UROS: variants seen among roughly 807,000 people sequenced by gnomAD.
The protein encoded by UROS is uroporphyrinogen-III synthase.
UROS carries 18 observed loss-of-function variants against 33.0 expected under a neutral mutation model. That is an observed-to-expected ratio of 0.55 (90% CI 0.38 to 0.81). UROS has a LOEUF of 0.81. UROS is among the 30% of genes least tolerant of loss of function. The pLI, the probability that UROS is intolerant of heterozygous loss-of-function variation, is 0.00. For synonymous variants in UROS, 114 were observed against 121.1 expected (o/e 0.94, Z 0.38); for missense variants, 293 against 314.9 (o/e 0.93, Z 0.53).
At chr10:125,822,759 C>T (rs796639496) in intron 1 of UROS, among the ~76,000 whole-genome samples, 2 of 152,186 alleles carry the variant, frequency 1.3e-5, no homozygotes, top group African/African-American at 4.8e-5. Context: ...GGCCCGGCCC[C>T]CCGCCGAAGC....
In UROS at chr10:125,788,719, T is replaced by C. The variant is rs1258212138; in HGVS notation, c.*149A>G. On this transcript the variant is annotated 3_prime_UTR_variant, in exon 10 of 10. Coordinates refer to ENST00000368797, the MANE Select transcript of UROS (RefSeq NM_000375.3). Reference sequence around the variant, plus strand: ...GGCCTGAGGCCAGCCCCAGGTCAGGTCCCGATCCCCGGTCCTCAGGTGCTT... The same window carrying C: ...GGCCTGAGGCCAGCCCCAGGTCAGGCCCCGATCCCCGGTCCTCAGGTGCTT... The C allele has an allele frequency of 6.9e-7, 1 of 1,439,236 alleles. No individual in the cohort carries two copies. The highest frequency in any genetic ancestry group is 2.8e-5 in the Admixed American group (1 of 36,296). The allele number at this position is 1,439,236 out of a possible 1,614,324, so 89.2% of individuals were successfully genotyped here.
chr10:125,820,163 T>C (rs1423506826), intron 1 of UROS, among the ~76,000 whole-genome samples: 2 of 152,170 alleles, frequency 1.3e-5, no homozygotes, highest in Non-Finnish European at 2.9e-5. Flanking sequence ...CAATGGCATA[T>C]ATTTACATCT....
intron 5 of UROS, 34 bp from the exon 6 acceptor site, chr10:125,807,521 C>A: frequency 1.3e-6 from 2 of 1,553,606 alleles, no homozygotes; most frequent in Admixed American, 3.3e-5. Context: ...TTTCTTAACA[C>A]GGTTATTGAA....
chr10:125,795,902 T>C (rs1238280983), intron 8 of UROS, among the ~76,000 whole-genome samples: 1 of 152,186 alleles, frequency 6.6e-6, no homozygotes, highest in Non-Finnish European at 1.5e-5. Flanking sequence ...GCAATAGACA[T>C]TTCATGAAAC....
intron 6 of UROS, among the ~76,000 whole-genome samples, chr10:125,805,580 A>G (rs1375733088): frequency 6.6e-6 from 1 of 152,232 alleles, no homozygotes; most frequent in African/African-American, 2.4e-5. Context: ...CACTGGCCAC[A>G]GTGACAAGTG....
At position 125,788,984 on chromosome 10, in the gene UROS, T is replaced by C; in HGVS notation, c.682A>G (p.Thr228Ala). The change falls in exon 10 of 10, where the codon ACG (threonine) becomes GCG (alanine). Residue 228 changes from threonine (T) to alanine (A), a missense_variant. By Grantham distance (58) the Thr-to-Ala change is moderately conservative (BLOSUM62 0). Transcript: ENST00000368797. ...QIKFAAIGPT[T>A]ARALAAQGLP... ...CCCTGGGCGGCCAGCGCGCGAGCCG[T>C]AGTGGGGCCGATGGCTGCAAACTAT... 2 of 1,612,826 alleles carry C rather than the reference T, an allele frequency of 1.2e-6. No individual in the cohort carries two copies. Among genetic ancestry groups the C allele is most frequent in the Non-Finnish European group, 1.7e-6 (2 of 1,179,958 alleles).
intron 4 of UROS, 106 bp from the exon 5 acceptor site, chr10:125,812,394 AT>A: frequency 1.1e-6 from 1 of 950,692 alleles, no homozygotes; most frequent in Admixed American, 2.0e-5. Flanking sequence ...AAAGCAAACT[AT>A]TAGCAACCAA....
At chr10:125,801,675 T>C (rs1008812461) in intron 6 of UROS, among the ~76,000 whole-genome samples, 2 of 152,246 alleles carry the variant, frequency 1.3e-5, no homozygotes, top group Non-Finnish European at 2.9e-5. Flanking sequence ...CCCATAGATA[T>C]GCTGGTAATA....
chr10:125,786,567 T>C (rs769639764), downstream of UROS, among the ~76,000 whole-genome samples: 1 of 152,156 alleles, frequency 6.6e-6, no homozygotes, highest in African/African-American at 2.4e-5. Flanking sequence ...CCTGGCCACA[T>C]GAACCTCTTC....
In UROS at chr10:125,788,922, T is replaced by A; in HGVS notation, c.744A>T (p.Pro248=). The change falls in exon 10 of 10, where the codon CCA becomes CCT. Residue 248 remains proline, a synonymous_variant. Transcript: ENST00000368797. ...TCCTGATGCCAGTGGCCAGGGCTTGTGGCGTGGGGCTCTCTGCAGTGCAGC... is the reference window on the plus strand; with the variant it reads ...TCCTGATGCCAGTGGCCAGGGCTTGAGGCGTGGGGCTCTCTGCAGTGCAGC... The part of the protein sequence containing the change: ...PVSCTAESPT[P]QALATGIRKA... The A allele has an allele frequency of 6.2e-7, 1 of 1,608,562 alleles. No individual in the cohort carries two copies. The highest frequency in any genetic ancestry group is 1.7e-5 in the Admixed American group (1 of 59,190).
intron 1 of UROS, among the ~76,000 whole-genome samples, chr10:125,820,059 T>C (rs1853735858): frequency 6.6e-6 from 1 of 152,202 alleles, no homozygotes; most frequent in South Asian, 2.1e-4. Context: ...TGTCATGGTG[T>C]TCTGGGTATC....
intron 1 of UROS, among the ~76,000 whole-genome samples, chr10:125,821,642 T>C (rs1481811343): frequency 2.0e-5 from 3 of 152,182 alleles, no homozygotes; most frequent in African/African-American, 4.8e-5. Context: ...TTTACCACCA[T>C]AAAAAAAGTA....
At chr10:125,802,554 C>G (rs145786144) in intron 6 of UROS, 1 of 1,007,834 alleles carries the variant, frequency 9.9e-7, no homozygotes, top group East Asian at 1.0e-4. Flanking sequence ...AGGCCTCTTC[C>G]GAGAACACCA....
At chr10:125,801,769 A>G (rs969107888) in intron 6 of UROS, among the ~76,000 whole-genome samples, 1 of 152,244 alleles carries the variant, frequency 6.6e-6, no homozygotes, top group African/African-American at 2.4e-5. Context: ...TATCTATCCA[A>G]CCAAGCCTTG....
Position 125,811,805 on chromosome 10 carries a change from C to CAA in UROS, c.319+407_319+408dup, listed in dbSNP as rs141063476. On this transcript the variant is annotated intron_variant, in intron 5 of 9. Coordinates refer to ENST00000368797, the MANE Select transcript of UROS (RefSeq NM_000375.3). Reference sequence around the variant, plus strand: ...AAAATGCACAAAATATTAAGAAAACCAAAAAAAAACAACTATGATATCACT... The same window carrying CAA: ...AAAATGCACAAAATATTAAGAAAACCAAAAAAAAAAACAACTATGATATCACT... Among the ~76,000 whole-genome samples the CAA allele has an allele frequency of 6.2e-3, 920 of 149,092 alleles. 8 individuals are homozygous for CAA. The highest frequency in any genetic ancestry group is 0.016 in the African/African-American group (665 of 40,746).
At position 125,808,671 on chromosome 10, in the gene UROS, G is replaced by A. The variant is rs139998738; in HGVS notation, c.320-1184C>T. On this transcript the variant is annotated intron_variant, in intron 5 of 9. Transcript: ENST00000368797. ...CATATATAGCTTTGCTGATCACAAA[G>A]TAAGCACTTGCTCATTTGATCCTCA... is the stretch of plus-strand genomic sequence containing the variant. 7.2e-5 allele frequency among the ~76,000 whole-genome samples: 11 copies of A among 152,318 alleles called. No individual in the cohort carries two copies. The East Asian group carries it at 1.2e-3, about 16-fold the overall frequency.
chr10:125,796,303 G>T (rs1055273427), intron 7 of UROS, 115 bp from the exon 8 acceptor site: 1 of 1,043,382 alleles, frequency 9.6e-7, no homozygotes, highest in Non-Finnish European at 1.5e-6. Flanking sequence ...CTCCTGGAAC[G>T]AGCTGCTTGG....
intron 6 of UROS, among the ~76,000 whole-genome samples, chr10:125,804,087 C>G (rs1193648353): frequency 6.6e-6 from 1 of 152,222 alleles, no homozygotes; most frequent in Non-Finnish European, 1.5e-5. Flanking sequence ...ATGATAAACC[C>G]CTTTTAACCA....
chr10:125,802,030 T>C (rs1022066172), intron 6 of UROS: 69 of 985,350 alleles, frequency 7.0e-5, no homozygotes, highest in African/African-American at 1.0e-4. Flanking sequence ...TTACTATTCT[T>C]TGTAGAACTT....
Sources: allele counts gnomAD v4.1 joint callset (sites outside exome capture counted in the v4.1 genomes callset), GRCh38; gene constraint gnomAD v4.1.1; transcripts MANE v1.5; gene names NCBI Gene and HGNC (gene_info 2026-07-23, HGNC 2026-07-21).